ARHGAP31: variants seen among roughly 807,000 people sequenced by gnomAD.
ARHGAP31 encodes Rho GTPase activating protein 31.
In ARHGAP31, 34 loss-of-function variants were observed where a neutral mutation model predicts 113.9. The observed-to-expected ratio is 0.30, with a 90% CI of 0.23 to 0.40. The LOEUF (loss-of-function observed/expected upper bound fraction) is 0.40, where lower values mean the gene tolerates loss of function less well. Ranked by LOEUF, ARHGAP31 falls within the 10% of genes least tolerant of loss-of-function variation. The pLI, the probability that ARHGAP31 is intolerant of heterozygous loss-of-function variation, is 1.00. For synonymous variants in ARHGAP31, 650 were observed against 684.8 expected (o/e 0.95, Z 0.79); for missense variants, 1,548 against 1,767.1 (o/e 0.88, Z 2.22).
rs2080782495 is a variant in ARHGAP31 at position 119,416,701 on chromosome 3, C to G, written c.*437C>G. 4.0e-6 allele frequency: 1 copy of G among 248,662 alleles called. No homozygotes were observed. The highest frequency in any genetic ancestry group is 5.2e-5 in the Admixed American group (1 of 19,374). The allele number at this position is 248,662 out of a possible 1,614,324, so 15.4% of individuals were successfully genotyped here. On this transcript the variant is annotated 3_prime_UTR_variant, in exon 12 of 12. Transcript: ENST00000264245. ...GTTGCTATTGGGGTTAGAAGGCCTCCTCTTTATGCTTTTTAATGCTCTTTC... is the reference window on the plus strand; with the variant it reads ...GTTGCTATTGGGGTTAGAAGGCCTCGTCTTTATGCTTTTTAATGCTCTTTC...
At chr3:119,338,870 G>A (rs78536986) in intron 1 of ARHGAP31, among the ~76,000 whole-genome samples, 2,757 of 152,258 alleles carry the variant, frequency 0.018, 47 homozygotes, top group East Asian at 0.062. Flanking sequence ...GTATGAACTT[G>A]TACAAGATGA....
chr3:119,343,375 CT>C (rs1265934665), intron 1 of ARHGAP31, among the ~76,000 whole-genome samples: 5 of 152,178 alleles, frequency 3.3e-5, no homozygotes, highest in African/African-American at 1.2e-4. Flanking sequence ...AAAATGAGGA[CT>C]GTTAAACTTG....
chr3:119,382,993 T>A, intron 5 of ARHGAP31, 91 bp from the exon 6 acceptor site: 2 of 1,463,976 alleles, frequency 1.4e-6, no homozygotes, highest in South Asian at 2.3e-5. Flanking sequence ...ATTTAGGAGA[T>A]GAGCCTTGTG....
At chr3:119,296,980 GA>G (rs2079538425) in intron 1 of ARHGAP31, among the ~76,000 whole-genome samples, 1 of 152,148 alleles carries the variant, frequency 6.6e-6, no homozygotes, top group African/African-American at 2.4e-5. Flanking sequence ...CCCCTAAATT[GA>G]AAGCAGACAG....
At chr3:119,336,886 T>G (rs758649063) in intron 1 of ARHGAP31, among the ~76,000 whole-genome samples, 17 of 152,252 alleles carry the variant, frequency 1.1e-4, no homozygotes, top group Non-Finnish European at 1.5e-4. Flanking sequence ...TTGTCTATGC[T>G]GGACACTTCA....
At chr3:119,336,985 C>G (rs1210821966) in intron 1 of ARHGAP31, among the ~76,000 whole-genome samples, 1 of 152,216 alleles carries the variant, frequency 6.6e-6, no homozygotes, top group African/African-American at 2.4e-5. Context: ...TATGTTAGTA[C>G]TTAAGTCCTT....
At chr3:119,297,363 GCCCACCACCTTGGAAGATCAGC>G (rs2079542408) in intron 1 of ARHGAP31, among the ~76,000 whole-genome samples, 1 of 152,224 alleles carries the variant, frequency 6.6e-6, no homozygotes, top group South Asian at 2.1e-4. Context: ...CTGGCCCTCT[GCCCACCACCTTGGAAGATCAGC>G]CCAGAATGCT....
intron 1 of ARHGAP31, among the ~76,000 whole-genome samples, chr3:119,331,688 TCTTCA>T (rs2079892746): frequency 6.6e-6 from 1 of 152,204 alleles, no homozygotes; most frequent in Non-Finnish European, 1.5e-5. Flanking sequence ...CATAATCACC[TCTTCA>T]GCCATTTTGA....
intron 10 of ARHGAP31, among the ~76,000 whole-genome samples, chr3:119,404,995 C>T (rs549314122): frequency 5.0e-4 from 76 of 152,138 alleles, no homozygotes; most frequent in Non-Finnish European, 7.6e-4. Flanking sequence ...CTTCTAGAAA[C>T]GCTTGTTAAG....
rs777699046 is a variant in ARHGAP31, at chr3:119,383,189, C to A, written c.645C>A (p.Ile215=). 17 of 1,614,172 alleles carry A rather than the reference C, an allele frequency of 1.1e-5. No individual in the cohort carries two copies. In the South Asian group the frequency reaches 1.9e-4, roughly 18 times the overall value. The change falls in exon 6 of 12, where the codon ATC becomes ATA. Residue 215 remains isoleucine (I), a synonymous_variant. Coordinates refer to ENST00000264245, the MANE Select transcript of ARHGAP31 (RefSeq NM_020754.4). Reference sequence around the variant, plus strand: ...TCATATTGAATCATGTAGATCAAATCTTTAACAACGGTGCACCTGGGTCTC... The same window carrying A: ...TCATATTGAATCATGTAGATCAAATATTTAACAACGGTGCACCTGGGTCTC... ...IEFILNHVDQ[I]FNNGAPGSLE...
In ARHGAP31 at chr3:119,383,150, G is replaced by C. The variant is rs762400554; in HGVS notation, c.606G>C (p.Gln202His). 3 of 1,614,230 alleles carry C rather than the reference G, an allele frequency of 1.9e-6. No homozygotes were observed. The highest frequency in any genetic ancestry group is 2.5e-6 in the Non-Finnish European group (3 of 1,180,046). ...CCTTCCTTGCAGTCCGGGTCCAGCA[G>C]GTGGTGATTGAGTTCATATTGAATC... Reference protein sequence around the residue: ...DAAFLAVRVQQVVIEFILNHV... With the variant: ...DAAFLAVRVQHVVIEFILNHV... The change falls in exon 6 of 12, where the codon CAG (glutamine) becomes CAC (histidine). Residue 202 changes from glutamine (Q) to histidine (H), a missense_variant. Transcript: ENST00000264245.
chr3:119,408,780 T>A (rs1286992655), intron 10 of ARHGAP31, among the ~76,000 whole-genome samples: 1 of 152,212 alleles, frequency 6.6e-6, no homozygotes, highest in African/African-American at 2.4e-5. Flanking sequence ...CTTTCCTTCA[T>A]GCAAAGCAAT....
Position 119,416,573 on chromosome 3 carries a change from A to G in ARHGAP31, c.*309A>G. The G allele has an allele frequency of 2.4e-6, 1 of 414,668 alleles. No homozygotes were observed. Among genetic ancestry groups the G allele is most frequent in the Non-Finnish European group, 4.5e-6 (1 of 220,590 alleles). The allele number at this position is 414,668 out of a possible 1,614,324, so 25.7% of individuals were successfully genotyped here. On this transcript the variant is annotated 3_prime_UTR_variant, in exon 12 of 12. Coordinates refer to ENST00000264245, the MANE Select transcript of ARHGAP31 (RefSeq NM_020754.4). ...TGTATGTGAGTCAGATTGCTCCCCT[A>G]TTGCTATTATCTATTACTCTTGAGA...
intron 6 of ARHGAP31, among the ~76,000 whole-genome samples, chr3:119,386,609 A>G (rs1180334796): frequency 6.6e-6 from 1 of 152,232 alleles, no homozygotes; most frequent in African/African-American, 2.4e-5. Context: ...GTAGAAATAA[A>G]GACACAAGAC....
At chr3:119,400,132 A>G in intron 9 of ARHGAP31, among the ~76,000 whole-genome samples, 1 of 152,216 alleles carries the variant, frequency 6.6e-6, no homozygotes, top group East Asian at 1.9e-4. Flanking sequence ...CAACATTTTA[A>G]AAATAATTCT....
Position 119,337,382 on chromosome 3 carries a change from G to A in ARHGAP31, c.101-27934G>A, listed in dbSNP as rs144207110. On this transcript the variant is annotated intron_variant, in intron 1 of 11. Coordinates refer to ENST00000264245, the MANE Select transcript of ARHGAP31 (RefSeq NM_020754.4). ...GGCTTCATGCTCTCGCTGACTTCAG[G>A]AGTGAAGCTGCAGACCTTTGTGGTG... Among the ~76,000 whole-genome samples the A allele has an allele frequency of 7.6e-3, 1,161 of 152,292 alleles. 19 individuals carry two copies. Among genetic ancestry groups the A allele is most frequent in the African/African-American group, 0.026 (1,096 of 41,568 alleles).
intron 1 of ARHGAP31, among the ~76,000 whole-genome samples, chr3:119,347,860 G>T (rs1403050392): frequency 6.6e-6 from 1 of 152,210 alleles, no homozygotes; most frequent in Non-Finnish European, 1.5e-5. Context: ...GGTGAGGAGA[G>T]AAAAAGTTAG....
chr3:119,346,021 C>A (rs1221424136), intron 1 of ARHGAP31, among the ~76,000 whole-genome samples: 2 of 152,180 alleles, frequency 1.3e-5, no homozygotes, highest in East Asian at 1.9e-4. Context: ...CAGTTGACTG[C>A]CCTCTATTGG....
chr3:119,380,921 C>A lies in ARHGAP31; in HGVS notation c.366C>A (p.Cys122Ter), dbSNP rs755525923. 6.2e-7 allele frequency: 1 copy of A among 1,614,134 alleles called. No individual in the cohort carries two copies. The highest frequency in any genetic ancestry group is 8.5e-7 in the Non-Finnish European group (1 of 1,179,984). Residue 122 changes from cysteine (C) to a stop codon, truncating the protein, a stop_gained, in exon 4 of 12, where the codon TGC (cysteine) becomes TGA (stop). Coordinates refer to ENST00000264245, the MANE Select transcript of ARHGAP31 (RefSeq NM_020754.4). LOFTEE classifies it high-confidence loss of function. The stretch of plus-strand genomic sequence containing the variant: ...CTCCACAGGAGGCAGTGTCGCATTG[C>A]CCTGAAGAAGGCCAACTGGCCCGAA... ...YEKFTEAVSHCPEEGQLARIQ... is the reference protein window; with the variant it reads ...YEKFTEAVSH
Sources: gnomAD v4.1 joint callset for allele counts (sites outside exome capture counted in the v4.1 genomes callset) on GRCh38, gnomAD v4.1.1 for gene constraint, MANE v1.5 for transcripts, NCBI Gene and HGNC (gene_info 2026-07-23, HGNC 2026-07-21) for gene names.